GSK3B: variants seen among roughly 807,000 people sequenced by gnomAD.
GSK3B encodes glycogen synthase kinase 3 beta, also known as glycogen synthase kinase-3 beta.
GSK3B carries 15 observed loss-of-function variants against 56.4 expected under a neutral mutation model. The observed-to-expected ratio is 0.27, with a 90% CI of 0.18 to 0.41. The LOEUF is 0.41. GSK3B is among the 10% of genes least tolerant of loss of function. GSK3B has a pLI of 1.00. For missense variants in GSK3B, 300 were observed against 513.4 expected (o/e 0.58, Z 4.02); for synonymous variants, 181 against 188.9 (o/e 0.96, Z 0.34).
At chr3:119,934,713 T>G (rs1412538690) in intron 3 of GSK3B, among the ~76,000 whole-genome samples, 1 of 152,160 alleles carries the variant, frequency 6.6e-6, no homozygotes, top group Non-Finnish European at 1.5e-5. Context: ...TTGCAGGGTC[T>G]GTCCATATAG....
intron 3 of GSK3B, among the ~76,000 whole-genome samples, chr3:119,934,630 A>T (rs2056976991): frequency 6.6e-6 from 1 of 152,252 alleles, no homozygotes; most frequent in Admixed American, 6.5e-5. Flanking sequence ...AACCAAGGAC[A>T]TCTGAATAAA....
chr3:119,862,667 G>GTTTTTTTTTTT (rs79778347), intron 9 of GSK3B, among the ~76,000 whole-genome samples: 2 of 110,386 alleles, frequency 1.8e-5, no homozygotes, highest in African/African-American at 3.4e-5. Context: ...ACTATTTCTT[G>GTTTTTTTTTTT]TTTTTTTTTT....
chr3:119,985,537 A>G (rs1040622190), intron 2 of GSK3B, among the ~76,000 whole-genome samples: 8 of 152,202 alleles, frequency 5.3e-5, no homozygotes, highest in African/African-American at 1.9e-4. Flanking sequence ...CTAGACACCA[A>G]TAACAGACCA....
At chr3:119,860,154 T>C (rs979912604) in intron 9 of GSK3B, among the ~76,000 whole-genome samples, 4 of 152,166 alleles carry the variant, frequency 2.6e-5, no homozygotes, top group African/African-American at 9.7e-5. Context: ...CCTTTAAACA[T>C]ACAAAACAAT....
At chr3:119,827,451 T>G (rs1030846046) in intron 10 of GSK3B, among the ~76,000 whole-genome samples, 1 of 152,002 alleles carries the variant, frequency 6.6e-6, no homozygotes, top group Non-Finnish European at 1.5e-5. Context: ...AAATGTGGTA[T>G]ATATACACAA....
At chr3:120,052,896 T>C (rs1204877053) in intron 1 of GSK3B, among the ~76,000 whole-genome samples, 1 of 152,232 alleles carries the variant, frequency 6.6e-6, no homozygotes, top group Non-Finnish European at 1.5e-5. Flanking sequence ...AGATAGGTAC[T>C]ATTATTATCA....
At chr3:119,962,432 T>C (rs967975816) in intron 2 of GSK3B, among the ~76,000 whole-genome samples, 29 of 150,592 alleles carry the variant, frequency 1.9e-4, no homozygotes, top group African/African-American at 6.1e-4. Flanking sequence ...TAACACATCA[T>C]ACACAACAGT....
intron 1 of GSK3B, among the ~76,000 whole-genome samples, chr3:120,080,065 T>C (rs149480963): frequency 1.3e-5 from 2 of 152,070 alleles, no homozygotes; most frequent in Non-Finnish European, 2.9e-5. Flanking sequence ...GAGACCAAGG[T>C]GGCTGGACTG....
intron 3 of GSK3B, among the ~76,000 whole-genome samples, chr3:119,924,022 ATAG>A (rs2056868334): frequency 6.6e-6 from 1 of 152,368 alleles, no homozygotes; most frequent in South Asian, 2.1e-4. Flanking sequence ...AAAAGATCTT[ATAG>A]TTACCTGATA....
At chr3:120,037,470 G>C (rs1209212610) in intron 1 of GSK3B, among the ~76,000 whole-genome samples, 1 of 152,080 alleles carries the variant, frequency 6.6e-6, no homozygotes, top group East Asian at 1.9e-4. Context: ...TTATTGGAGA[G>C]ATAACTCAAA....
rs572367390 is a variant in GSK3B at position 119,937,315 on chromosome 3, G to A, written c.366+9953C>T. Among the ~76,000 whole-genome samples, 141 of 152,144 alleles carry A rather than the reference G, an allele frequency of 9.3e-4. 1 individual carries two copies. Among genetic ancestry groups the A allele is most frequent in the African/African-American group, 3.3e-3 (137 of 41,430 alleles). ...GTGCCTTCCTCTTGGTAATGAATGT[G>A]TTCTCATTCTATGAGTTCCCTCCCA... On this transcript the variant is annotated intron_variant, in intron 3 of 10. Transcript: ENST00000264235.
chr3:120,088,128 G>A (rs1309913678), intron 1 of GSK3B, among the ~76,000 whole-genome samples: 1 of 152,128 alleles, frequency 6.6e-6, no homozygotes, highest in Non-Finnish European at 1.5e-5. Context: ...TCCTGACCTC[G>A]TGATCCACCC....
chr3:119,828,247 C>G (rs2055546159), intron 10 of GSK3B, among the ~76,000 whole-genome samples: 1 of 152,200 alleles, frequency 6.6e-6, no homozygotes, highest in South Asian at 2.1e-4. Flanking sequence ...CTTTTAAGGT[C>G]TATTATTATT....
intron 2 of GSK3B, among the ~76,000 whole-genome samples, chr3:119,991,418 A>ACC (rs2057563767): frequency 6.7e-6 from 1 of 149,684 alleles, no homozygotes; most frequent in African/African-American, 2.5e-5. Context: ...CCAGTGTCTT[A>ACC]GGTACAGTTT....
At chr3:119,902,480 T>C (rs1382629400) in intron 7 of GSK3B, among the ~76,000 whole-genome samples, 2 of 152,164 alleles carry the variant, frequency 1.3e-5, no homozygotes, top group Non-Finnish European at 2.9e-5. Context: ...TACTGCAACA[T>C]CTGCTTCCCA....
At chr3:119,884,595 A>G (rs2108057611) in intron 7 of GSK3B, among the ~76,000 whole-genome samples, 1 of 152,288 alleles carries the variant, frequency 6.6e-6, no homozygotes, top group South Asian at 2.1e-4. Context: ...TGCATGTGTC[A>G]CTGACTCCCT....
intron 3 of GSK3B, among the ~76,000 whole-genome samples, chr3:119,932,637 T>C (rs1049767953): frequency 1.3e-5 from 2 of 150,380 alleles, no homozygotes; most frequent in African/African-American, 4.9e-5. Context: ...CTGTAAAACA[T>C]CTATACTACC....
intron 7 of GSK3B, among the ~76,000 whole-genome samples, chr3:119,903,821 C>T (rs897534345): frequency 1.5e-4 from 23 of 151,974 alleles, no homozygotes; most frequent in African/African-American, 5.1e-4. Flanking sequence ...AGCTAATATG[C>T]CCACAGAATT....
intron 5 of GSK3B, among the ~76,000 whole-genome samples, chr3:119,913,573 G>A (rs1184290832): frequency 6.6e-6 from 1 of 151,490 alleles, no homozygotes; most frequent in Non-Finnish European, 1.5e-5. Context: ...AACTGCTGTA[G>A]AAGCCAGCCA....
Sources: allele counts gnomAD v4.1 joint callset (sites outside exome capture counted in the v4.1 genomes callset), GRCh38; gene constraint gnomAD v4.1.1; transcripts MANE v1.5; gene names NCBI Gene and HGNC (gene_info 2026-07-23, HGNC 2026-07-21).